Variants in CLASP2 observed in about 807,000 individuals in gnomAD.
CLASP2 encodes the protein CLIP-associating protein 2.
Under a neutral mutation model 194.4 loss-of-function variants are expected in CLASP2, and 47 were observed. That is an observed-to-expected ratio of 0.24 (90% CI 0.19 to 0.31). The LOEUF (loss-of-function observed/expected upper bound fraction) is 0.31. CLASP2 is among the 10% of genes least tolerant of loss of function. The probability of loss-of-function intolerance (pLI) is 1.00; values close to 1 mark genes in which losing one functional copy is unlikely to be tolerated. For synonymous variants in CLASP2, 619 were observed against 633.5 expected (o/e 0.98, Z 0.34); for missense variants, 1,445 against 1,823.6 (o/e 0.79, Z 3.78).
intron 20 of CLASP2, 38 bp from the exon 21 acceptor site, chr3:33,592,534 T>C (rs565606445): frequency 2.7e-6 from 4 of 1,472,484 alleles, no homozygotes; most frequent in South Asian, 2.4e-5. Flanking sequence ...AAAACATTTT[T>C]CTATAATAAT....
chr3:33,520,671 T>G (rs1225731515), intron 34 of CLASP2, among the ~76,000 whole-genome samples: 1 of 152,112 alleles, frequency 6.6e-6, no homozygotes, highest in Non-Finnish European at 1.5e-5. Context: ...CTGATCAAAT[T>G]GGTAAACATA....
intron 6 of CLASP2, among the ~76,000 whole-genome samples, chr3:33,672,813 G>C (rs2087628744): frequency 6.6e-6 from 1 of 152,234 alleles, no homozygotes; most frequent in Admixed American, 6.5e-5. Context: ...CTCAGGAGCT[G>C]ATGCGATCAA....
intron 7 of CLASP2, among the ~76,000 whole-genome samples, chr3:33,661,141 T>G (rs1267069202): frequency 6.6e-6 from 1 of 152,240 alleles, no homozygotes. Context: ...GTCTTTCACT[T>G]GGCAGCAGGG....
chr3:33,603,057 C>A lies in CLASP2; in HGVS notation c.1819G>T (p.Val607Leu). The A allele has an allele frequency of 6.2e-7, 1 of 1,601,730 alleles. No individual in the cohort carries two copies. Among genetic ancestry groups the A allele is most frequent in the Non-Finnish European group, 8.5e-7 (1 of 1,173,856 alleles). ...GCCTTGGCACCTGCAGCAGCATTCA[C>A]ATCAATGTCACTTCGTGAACGCTGC... ...SLQRSRSDID[V>L]NAAAGAKAHH... is the part of the protein sequence containing the mutation. The change falls in exon 18 of 39, where the codon GTG becomes TTG. Residue 607 changes from valine to leucine, a missense_variant. This residue lies in a region of CLASP2 where 174 missense variants were observed against 179.0 expected (regional missense o/e 0.97). Coordinates refer to ENST00000682230, the MANE Select transcript of CLASP2 (RefSeq NM_001365631.1).
At chr3:33,608,737 TAG>T in intron 13 of CLASP2, 111 bp from the exon 14 acceptor site, 6 of 534,708 alleles carry the variant, frequency 1.1e-5, no homozygotes, top group Middle Eastern at 5.4e-4. Context: ...GACATGTTTT[TAG>T]ATATCTTTTT....
At chr3:33,602,296 T>C (rs2154254161) in intron 18 of CLASP2, 2 of 496,648 alleles carry the variant, frequency 4.0e-6, no homozygotes, top group Admixed American at 3.4e-5. Context: ...GTCATGTTGG[T>C]GCTCAAAAAG....
intron 37 of CLASP2, among the ~76,000 whole-genome samples, chr3:33,507,477 A>C (rs949575844): frequency 1.3e-5 from 2 of 152,280 alleles, no homozygotes; most frequent in Admixed American, 1.3e-4. Context: ...TTAGAAAAGA[A>C]AACTTTTAAT....
At chr3:33,616,883 A>G (rs2076277635) in intron 12 of CLASP2, among the ~76,000 whole-genome samples, 1 of 151,552 alleles carries the variant, frequency 6.6e-6, no homozygotes, top group Admixed American at 6.6e-5. Flanking sequence ...GATTACAGGC[A>G]TGCACCATCA....
chr3:33,657,901 T>C (rs2084583843), intron 7 of CLASP2, among the ~76,000 whole-genome samples: 1 of 152,188 alleles, frequency 6.6e-6, no homozygotes, highest in Admixed American at 6.5e-5. Context: ...AAGAGTTCAC[T>C]ACATACATAG....
chr3:33,592,189 G>C (rs1467424581), intron 21 of CLASP2: 1 of 704,714 alleles, frequency 1.4e-6, no homozygotes, highest in African/African-American at 1.7e-5. Context: ...CACAACAACT[G>C]ATCCAAAACA....
intron 12 of CLASP2, among the ~76,000 whole-genome samples, chr3:33,617,865 A>C (rs1024957164): frequency 1.3e-5 from 2 of 150,736 alleles, no homozygotes; most frequent in Admixed American, 1.3e-4. Context: ...ATATTGGCAA[A>C]GGAATGGAGA....
chr3:33,664,999 G>A (rs1308551703), intron 6 of CLASP2, among the ~76,000 whole-genome samples: 1 of 152,078 alleles, frequency 6.6e-6, no homozygotes, highest in South Asian at 2.1e-4. Context: ...TACTAGGGAG[G>A]CTGAGGCACA....
At position 33,611,923 on chromosome 3, in the gene CLASP2, T is replaced by A; in HGVS notation, c.1388+78A>T. The A allele has an allele frequency of 2.9e-6, 3 of 1,020,072 alleles. No homozygotes were observed. In the East Asian group the frequency reaches 7.6e-5, roughly 26 times the overall value. 63.2% of individuals were successfully genotyped at this position (1,020,072 alleles called of 1,614,324 possible). ...GGAAGGCAAGAAATGAATGACCAAT[T>A]CTTGCAGCAGACAAATAATTAAACA... is the stretch of plus-strand genomic sequence containing the variant. On this transcript the variant is annotated intron_variant, in intron 13 of 38. Coordinates refer to ENST00000682230, the MANE Select transcript of CLASP2 (RefSeq NM_001365631.1).
At chr3:33,626,134 A>T (rs1195615152) in intron 10 of CLASP2, among the ~76,000 whole-genome samples, 4 of 152,232 alleles carry the variant, frequency 2.6e-5, no homozygotes, top group Middle Eastern at 3.4e-3. Context: ...CAGTATTTCA[A>T]TGTTTTAAGA....
In CLASP2 at chr3:33,519,141, T is replaced by C. The variant is rs371228921; in HGVS notation, c.3788-1967A>G. On this transcript the variant is annotated intron_variant, in intron 34 of 38. Coordinates refer to ENST00000682230, the MANE Select transcript of CLASP2 (RefSeq NM_001365631.1). Reference sequence around the variant, plus strand: ...TTTTCCTGTGTCCTTCTGACAAATATTGACACAATTACAATTCTGATAATA... The same window carrying C: ...TTTTCCTGTGTCCTTCTGACAAATACTGACACAATTACAATTCTGATAATA... Among the ~76,000 whole-genome samples the C allele has an allele frequency of 2.0e-5, 3 of 152,336 alleles. No individual in the cohort carries two copies. The South Asian group carries it at 6.2e-4, about 32-fold the overall frequency.
chr3:33,588,643 T>C, intron 21 of CLASP2: 1 of 698,736 alleles, frequency 1.4e-6, no homozygotes. Flanking sequence ...TAGAACCCAT[T>C]CTTCATAATG....
At chr3:33,580,468 C>G (rs796101557) in intron 23 of CLASP2, among the ~76,000 whole-genome samples, 6 of 152,132 alleles carry the variant, frequency 3.9e-5, no homozygotes, top group African/African-American at 1.4e-4. Flanking sequence ...GAGGCTGAGG[C>G]AGGAGAATCG....
At chr3:33,614,995 T>G (rs1301379858) in intron 12 of CLASP2, among the ~76,000 whole-genome samples, 2 of 151,904 alleles carry the variant, frequency 1.3e-5, no homozygotes, top group East Asian at 3.9e-4. Flanking sequence ...CAACAAAATT[T>G]GTGAAAGAAA....
chr3:33,674,144 T>C (rs1330108564), intron 6 of CLASP2, among the ~76,000 whole-genome samples: 1 of 152,216 alleles, frequency 6.6e-6, no homozygotes, highest in Non-Finnish European at 1.5e-5. Context: ...ATATACATTC[T>C]TTTCAGCACA....
Sources: allele counts gnomAD v4.1 joint callset (sites outside exome capture counted in the v4.1 genomes callset), GRCh38; gene constraint gnomAD v4.1.1; regional missense constraint gnomAD v4.1.1; transcripts MANE v1.5; gene names NCBI Gene and HGNC (gene_info 2026-07-23, HGNC 2026-07-21).